Variants in POLR3D observed in about 807,000 individuals in gnomAD.
POLR3D encodes RNA polymerase III subunit D.
In POLR3D, 42 loss-of-function variants were observed where a neutral mutation model predicts 44.5. The ratio of observed to expected loss-of-function variants is 0.94; its 90% CI spans 0.74 to 1.22. The LOEUF is 1.22. Among genes scored for constraint, POLR3D ranks in the 50% most tolerant of loss-of-function variants. The probability of loss-of-function intolerance (pLI) is 0.00; values close to 1 mark genes in which losing one functional copy is unlikely to be tolerated. For missense variants in POLR3D, 507 were observed against 505.2 expected (o/e 1.00, Z -0.03); for synonymous variants, 217 against 198.1 (o/e 1.10, Z -0.80).
chr8:22,248,354 TAG>T, intron 5 of POLR3D, 76 bp downstream of exon 5: 1 of 1,583,238 alleles, frequency 6.3e-7, no homozygotes, highest in Non-Finnish European at 8.6e-7. Flanking sequence ...AGGTGAGGGG[TAG>T]AAGAGCTTAC....
At position 22,253,645 on chromosome 8, in the gene POLR3D, A is replaced by G. The variant is rs1295342172; in HGVS notation, c.*3127A>G. On this transcript the variant is annotated 3_prime_UTR_variant, in exon 9 of 9. Transcript: ENST00000306433. Reference sequence around the variant, plus strand: ...TTTAGTGTATATTATTTTATTTTAGATTCAGCAGGTACATGAGCATGTTAG... The same window carrying G: ...TTTAGTGTATATTATTTTATTTTAGGTTCAGCAGGTACATGAGCATGTTAG... 1 of 152,194 alleles carries G rather than the reference A, an allele frequency of 6.6e-6. No homozygotes were observed. Among genetic ancestry groups the G allele is most frequent in the African/African-American group, 2.4e-5 (1 of 41,450 alleles). 9.4% of individuals were successfully genotyped at this position (152,194 alleles called of 1,614,324 possible).
intron 2 of POLR3D, 57 bp from the exon 3 acceptor site, chr8:22,247,164 C>A: frequency 2.2e-6 from 3 of 1,364,304 alleles, no homozygotes; most frequent in Non-Finnish European, 3.1e-6. Flanking sequence ...TTTTATTTTC[C>A]TCTGTACTTT....
Position 22,252,121 on chromosome 8 carries a change from G to A in POLR3D, c.*1603G>A, listed in dbSNP as rs555400176. The A allele has an allele frequency of 1.3e-5, 2 of 153,956 alleles. No homozygotes were observed. The highest frequency in any genetic ancestry group is 4.1e-4 in the South Asian group (2 of 4,828). 9.5% of individuals were successfully genotyped at this position (153,956 alleles called of 1,614,324 possible). ...CTGTGAGGCTGACTGAATATTTGGT[G>A]ACCATATCACCCTTTCTGGTGCTGA... On this transcript the variant is annotated 3_prime_UTR_variant, in exon 9 of 9. Transcript: ENST00000306433.
Position 22,249,160 on chromosome 8 carries a change from C to T in POLR3D, c.772C>T (p.Leu258=), listed in dbSNP as rs999853073. The T allele has an allele frequency of 6.2e-7, 1 of 1,614,026 alleles. No individual in the cohort carries two copies. The highest frequency in any genetic ancestry group is 1.7e-5 in the Admixed American group (1 of 59,998). The change falls in exon 7 of 9, where the codon CTG becomes TTG. Residue 258 remains leucine, a synonymous_variant. Transcript: ENST00000306433. Reference sequence around the variant, plus strand: ...ATCTGTGGCAGAGCTGCTGAGGGAGCTGAGCCTCACCAAGGAAGAGGAACT... The same window carrying T: ...ATCTGTGGCAGAGCTGCTGAGGGAGTTGAGCCTCACCAAGGAAGAGGAACT... The part of the protein sequence containing the change: ...DVSVAELLRE[L]SLTKEEELLF...
rs866245521 is a variant in POLR3D at position 22,249,223 on chromosome 8, C to T, written c.835C>T (p.Pro279Ser). Reference protein sequence around the residue: ...LQLPDTLPGQPPTQDIKPIKT... With the variant: ...LQLPDTLPGQSPTQDIKPIKT... ...GCTGCCAGACACCCTCCCTGGCCAG[C>T]CACCCACCCAGGACATCAAGCCTAT... is the stretch of plus-strand genomic sequence containing the variant. The change falls in exon 7 of 9, where the codon CCA becomes TCA. Residue 279 changes from proline to serine, a missense_variant. Pro to Ser is a moderately conservative substitution (Grantham distance 74). Transcript: ENST00000306433. 5.0e-6 allele frequency: 8 copies of T among 1,614,004 alleles called. No homozygotes were observed. In the African/African-American group the frequency reaches 6.7e-5, roughly 13 times the overall value.
Position 22,249,634 on chromosome 8 carries a change from A to C in POLR3D, c.921+325A>C, listed in dbSNP as rs576747451. 2.6e-5 allele frequency among the ~76,000 whole-genome samples: 4 copies of C among 152,270 alleles called. No homozygotes were observed. The East Asian group carries it at 7.7e-4, about 29-fold the overall frequency. Reference sequence around the variant, plus strand: ...CACTTGAGCCCAGGAGTTCGAGACTAGCCTGGGCAACGTGGTGACACCATG... The same window carrying C: ...CACTTGAGCCCAGGAGTTCGAGACTCGCCTGGGCAACGTGGTGACACCATG... On this transcript the variant is annotated intron_variant, in intron 7 of 8. Transcript: ENST00000306433.
At chr8:22,249,406 A>G (rs1830077776) in intron 7 of POLR3D, 97 bp downstream of exon 7, 2 of 1,337,808 alleles carry the variant, frequency 1.5e-6, no homozygotes, top group African/African-American at 2.9e-5. Context: ...CCTGGCTGAA[A>G]TGGGACAATA....
chr8:22,247,124 C>G, intron 2 of POLR3D, 97 bp from the exon 3 acceptor site: 2 of 834,748 alleles, frequency 2.4e-6, no homozygotes, highest in South Asian at 3.0e-5. Flanking sequence ...CCGTGGTGGC[C>G]TTGGTCTGTA....
At chr8:22,250,001 G>T (rs1436145706) in intron 7 of POLR3D, 74 bp from the exon 8 acceptor site, 8 of 1,539,126 alleles carry the variant, frequency 5.2e-6, no homozygotes, top group Non-Finnish European at 7.1e-6. Flanking sequence ...TTCTCTTGGG[G>T]AGTAGAAGGG....
rs1219177304 is a variant in POLR3D at position 22,252,245 on chromosome 8, C to G, written c.*1727C>G. 1 of 153,800 alleles carries G rather than the reference C, an allele frequency of 6.5e-6. No individual in the cohort carries two copies. The highest frequency in any genetic ancestry group is 1.5e-5 in the Non-Finnish European group (1 of 68,066). 9.5% of individuals were successfully genotyped at this position (153,800 alleles called of 1,614,324 possible). A position where few individuals can be genotyped will look rare whatever the true frequency, so the allele number is the denominator to read the frequency against. Reference sequence around the variant, plus strand: ...CCTTGGAAACCTGTGCTGGGAAGCCCTGTTTGGTCTAAGGCTAAGCTTTGG... The same window carrying G: ...CCTTGGAAACCTGTGCTGGGAAGCCGTGTTTGGTCTAAGGCTAAGCTTTGG... On this transcript the variant is annotated 3_prime_UTR_variant, in exon 9 of 9. Transcript: ENST00000306433.
rs776086614 is a variant in POLR3D at position 22,250,562 on chromosome 8, G to C, written c.*44G>C. 7 of 1,612,340 alleles carry C rather than the reference G, an allele frequency of 4.3e-6. No individual in the cohort carries two copies. Among genetic ancestry groups the C allele is most frequent in the Non-Finnish European group, 2.5e-6 (3 of 1,179,006 alleles). ...GACGGCGCCTGTGCCCACGGCTGCT[G>C]CCTGCTCCAGACATTTTGTTCTTGA... is the stretch of plus-strand genomic sequence containing the variant. On this transcript the variant is annotated 3_prime_UTR_variant, in exon 9 of 9. Coordinates refer to ENST00000306433, the MANE Select transcript of POLR3D (RefSeq NM_001722.3).
At chr8:22,249,331 C>T (rs746224575) in intron 7 of POLR3D, 22 bp downstream of exon 7, 31 of 1,606,962 alleles carry the variant, frequency 1.9e-5, no homozygotes, top group Admixed American at 5.0e-5. Context: ...CAGAGGCCTG[C>T]GGGAATCAAG....
Position 22,248,293 on chromosome 8 carries a change from G to A in POLR3D, c.486+15G>A. 6.2e-7 allele frequency: 1 copy of A among 1,612,490 alleles called. No homozygotes were observed. The highest frequency in any genetic ancestry group is 1.3e-5 in the African/African-American group (1 of 75,016). On this transcript the variant is annotated intron_variant, in intron 5 of 8. Coordinates refer to ENST00000306433, the MANE Select transcript of POLR3D (RefSeq NM_001722.3). ...AGAAGGACGATGTGGGTACCAGGAG[G>A]CTGGGGGAAGGGGTTTCCTTGTGGC...
intron 5 of POLR3D, 52 bp downstream of exon 5, chr8:22,248,330 G>A: frequency 1.9e-6 from 3 of 1,599,452 alleles, no homozygotes; most frequent in South Asian, 2.3e-5. Flanking sequence ...GTAGAACAGG[G>A]CTTCTGGGGA....
chr8:22,249,938 A>G (rs1276453554), intron 7 of POLR3D, 137 bp from the exon 8 acceptor site: 2 of 807,164 alleles, frequency 2.5e-6, no homozygotes, highest in Admixed American at 2.7e-5. Flanking sequence ...CATAGCAGAC[A>G]GCCCTAGGAG....
Position 22,250,542 on chromosome 8 carries a change from C to T in POLR3D, c.*24C>T, listed in dbSNP as rs200967033. ...AAAATGAGCAGGTGGAGGAGGACGG[C>T]GCCTGTGCCCACGGCTGCTGCCTGC... On this transcript the variant is annotated 3_prime_UTR_variant, in exon 9 of 9. Coordinates refer to ENST00000306433, the MANE Select transcript of POLR3D (RefSeq NM_001722.3). The T allele has an allele frequency of 3.7e-5, 59 of 1,613,752 alleles. No individual in the cohort carries two copies. The East Asian group carries it at 6.5e-4, about 18-fold the overall frequency.
In POLR3D at chr8:22,253,225, G is replaced by C. The variant is rs761721156; in HGVS notation, c.*2707G>C. 1.3e-5 allele frequency: 2 copies of C among 152,218 alleles called. No individual in the cohort carries two copies. Among genetic ancestry groups the C allele is most frequent in the African/African-American group, 4.8e-5 (2 of 41,450 alleles). The allele number at this position is 152,218 out of a possible 1,614,324, so 9.4% of individuals were successfully genotyped here. A position where few individuals can be genotyped will look rare whatever the true frequency, so the allele number is the denominator to read the frequency against. On this transcript the variant is annotated 3_prime_UTR_variant, in exon 9 of 9. Transcript: ENST00000306433. The stretch of plus-strand genomic sequence containing the variant: ...AGTATTGCAGAATGGCTGCTCCTGC[G>C]CCAAGCATCATTCTGCAAATGATGG...
At chr8:22,250,357 G>A (rs368986897) in intron 8 of POLR3D, 39 bp from the exon 9 acceptor site, 60 of 1,613,630 alleles carry the variant, frequency 3.7e-5, no homozygotes, top group African/African-American at 3.2e-4. Context: ...CGCCGGGCAC[G>A]TGGTGGTGGT....
chr8:22,249,290 TC>T lies in POLR3D; in HGVS notation c.903del (p.Lys302SerfsTer20). ...GGCGAGGACGGACAGGTGGTGCTCA[TC>T]AAGCAGGAGAAAGACCGAGTACGCT... ...VQGEDGQVVL[I>X]KQEKDREAKL... is the part of the protein sequence containing the mutation. On this transcript the variant is annotated frameshift_variant, in exon 7 of 9. Coordinates refer to ENST00000306433, the MANE Select transcript of POLR3D (RefSeq NM_001722.3). LOFTEE classifies it high-confidence loss of function. 1 of 1,613,762 alleles carries T rather than the reference TC, an allele frequency of 6.2e-7. No homozygotes were observed. Among genetic ancestry groups the T allele is most frequent in the Non-Finnish European group, 8.5e-7 (1 of 1,179,920 alleles).
Sources: gnomAD v4.1 joint callset for allele counts (sites outside exome capture counted in the v4.1 genomes callset) on GRCh38, gnomAD v4.1.1 for gene constraint, MANE v1.5 for transcripts, NCBI Gene and HGNC (gene_info 2026-07-23, HGNC 2026-07-21) for gene names.